Variants in KLF8 observed in about 807,000 individuals in gnomAD.
KLF8 encodes Krueppel-like factor 8.
Under a neutral mutation model 18.2 loss-of-function variants are expected in KLF8, and 10 were observed. The observed-to-expected ratio is 0.55, with a 90% CI of 0.34 to 0.93. The LOEUF (loss-of-function observed/expected upper bound fraction) is 0.93, where lower values mean the gene tolerates loss of function less well. Among genes scored for constraint, KLF8 ranks in the 40% least tolerant of loss-of-function variants. The pLI is 0.02. For missense variants in KLF8, 264 were observed against 277.9 expected (o/e 0.95, Z 0.36); for synonymous variants, 109 against 97.3 (o/e 1.12, Z -0.71).
the KLF8 span, among the ~76,000 whole-genome samples, chrX:56,181,578 G>A: frequency 9.0e-6 from 1 of 111,503 alleles, no homozygotes; most frequent in Non-Finnish European, 1.9e-5. Flanking sequence ...TTACAGTTTG[G>A]CATGTTTTTC....
the KLF8 span, among the ~76,000 whole-genome samples, chrX:56,201,504 G>T: frequency 9.0e-6 from 1 of 111,352 alleles, no homozygotes; most frequent in Non-Finnish European, 1.9e-5. Context: ...AGTTATGCAA[G>T]GTAAATACAT....
the KLF8 span, among the ~76,000 whole-genome samples, chrX:55,953,757 A>C: frequency 6.0e-4 from 66 of 110,884 alleles, no homozygotes; most frequent in African/African-American, 2.1e-3. Flanking sequence ...TGCTGAGATA[A>C]CGTGATACCC....
At chrX:55,912,703 T>C in the KLF8 span, among the ~76,000 whole-genome samples, 9 of 111,473 alleles carry the variant, frequency 8.1e-5, no homozygotes, top group Non-Finnish European at 1.1e-4. Context: ...CCTTCTCTCT[T>C]ATTTTCTTAA....
the KLF8 span, among the ~76,000 whole-genome samples, chrX:56,061,112 C>A: frequency 1.8e-5 from 2 of 111,707 alleles, no homozygotes; most frequent in Non-Finnish European, 3.8e-5. Flanking sequence ...TTTCAAAAAA[C>A]CAGCTCCTGG....
At chrX:56,028,553 C>G in the KLF8 span, among the ~76,000 whole-genome samples, 3 of 111,513 alleles carry the variant, frequency 2.7e-5, no homozygotes, top group Non-Finnish European at 5.6e-5. Flanking sequence ...TTTGCACACC[C>G]GACTGCTGTG....
the KLF8 span, among the ~76,000 whole-genome samples, chrX:56,202,095 C>G: frequency 9.0e-6 from 1 of 111,031 alleles, no homozygotes; most frequent in Non-Finnish European, 1.9e-5. Flanking sequence ...AGTATCCACT[C>G]CCAGAGAGTG....
At chrX:56,214,826 C>A in the KLF8 span, among the ~76,000 whole-genome samples, 1 of 112,039 alleles carries the variant, frequency 8.9e-6, no homozygotes, top group South Asian at 3.7e-4. Context: ...ATCACAGAGC[C>A]AGGATTGGAA....
chrX:56,084,444 A>C, the KLF8 span, among the ~76,000 whole-genome samples: 1 of 111,870 alleles, frequency 8.9e-6, no homozygotes, highest in Non-Finnish European at 1.9e-5. Context: ...AGGAAAAAAA[A>C]ACATAAACAT....
the KLF8 span, among the ~76,000 whole-genome samples, chrX:56,225,983 G>A: frequency 8.9e-6 from 1 of 112,500 alleles, no homozygotes; most frequent in East Asian, 2.8e-4. Flanking sequence ...CATAAAAAGA[G>A]AGGTATACTA....
the KLF8 span, among the ~76,000 whole-genome samples, chrX:55,936,804 T>G: frequency 1.8e-5 from 2 of 108,951 alleles, no homozygotes; most frequent in African/African-American, 3.4e-5. Context: ...GACATCAAAC[T>G]GCAAGTCGGC....
the KLF8 span, among the ~76,000 whole-genome samples, chrX:56,046,901 G>A: frequency 3.6e-5 from 4 of 111,473 alleles, no homozygotes; most frequent in Non-Finnish European, 7.5e-5. Flanking sequence ...TTATTTGGCT[G>A]TCTAGATCTC....
At chrX:56,206,359 C>G in the KLF8 span, among the ~76,000 whole-genome samples, 1 of 111,815 alleles carries the variant, frequency 8.9e-6, no homozygotes, top group Non-Finnish European at 1.9e-5. Context: ...TGAGACAAGG[C>G]AAGTCCCTTC....
the KLF8 span, among the ~76,000 whole-genome samples, chrX:56,063,246 T>G: frequency 9.0e-6 from 1 of 111,294 alleles, no homozygotes; most frequent in East Asian, 2.8e-4. Context: ...AGAAGAGGCC[T>G]TTTGGTTTTT....
chrX:56,266,593 T>C (rs757585187), intron 3 of KLF8: 2 of 746,982 alleles, frequency 2.7e-6, no homozygotes, highest in African/African-American at 4.6e-5. Context: ...AGTTCAGAAT[T>C]CAGAAAGGTA....
At chrX:56,067,990 T>C in the KLF8 span, among the ~76,000 whole-genome samples, 1 of 112,209 alleles carries the variant, frequency 8.9e-6, no homozygotes, top group Non-Finnish European at 1.9e-5. Flanking sequence ...GCCAGCTATT[T>C]CACCCACCTT....
chrX:55,911,294 C>A, the KLF8 span, among the ~76,000 whole-genome samples: 7 of 110,912 alleles, frequency 6.3e-5, no homozygotes, highest in African/African-American at 2.3e-4. Flanking sequence ...GGAAGAAAAT[C>A]CATGTATAAG....
At chrX:56,058,879 G>T in the KLF8 span, among the ~76,000 whole-genome samples, 1 of 111,631 alleles carries the variant, frequency 9.0e-6, no homozygotes, top group Non-Finnish European at 1.9e-5. Context: ...TAGTGGGATT[G>T]CTGGGTCAAA....
At chrX:56,190,133 G>A in the KLF8 span, among the ~76,000 whole-genome samples, 1 of 111,198 alleles carries the variant, frequency 9.0e-6, no homozygotes, top group Non-Finnish European at 1.9e-5. Flanking sequence ...TAAAGGGATG[G>A]AAAATTATAT....
At position 56,289,682 on chromosome X, in the gene KLF8, C is replaced by A. The variant is rs918078915; in HGVS notation, c.*5188C>A. Among the ~76,000 whole-genome samples the A allele has an allele frequency of 1.3e-4, 15 of 111,685 alleles. No homozygotes were observed. The highest frequency in any genetic ancestry group is 4.9e-4 in the African/African-American group (15 of 30,725). On this transcript the variant is annotated 3_prime_UTR_variant, in exon 6 of 6. Transcript: ENST00000468660. ...GAGAAACCTGGCTCTCAACCTCTGT[C>A]ATCTATTTACTTAATTTTTCAAATT...
Sources: allele counts gnomAD v4.1 joint callset (sites outside exome capture counted in the v4.1 genomes callset), GRCh38; gene constraint gnomAD v4.1.1; transcripts MANE v1.5; gene names NCBI Gene and HGNC (gene_info 2026-07-23, HGNC 2026-07-21).